Variants in GABRG3 observed in about 807,000 individuals in gnomAD.
GABRG3 encodes the protein gamma-aminobutyric acid type A receptor subunit gamma3.
A neutral mutation model predicts 48.8 loss-of-function variants in GABRG3; 25 were observed. The ratio of observed to expected loss-of-function variants is 0.51; its 90% CI spans 0.37 to 0.72. The LOEUF (loss-of-function observed/expected upper bound fraction) is 0.72. Ranked by LOEUF, GABRG3 falls within the 30% of genes least tolerant of loss-of-function variation. GABRG3 has a pLI of 0.00. For synonymous variants in GABRG3, 227 were observed against 217.6 expected (o/e 1.04, Z -0.38); for missense variants, 394 against 577.9 (o/e 0.68, Z 3.26).
At chr15:27,028,805 C>CA (rs35610809) in intron 3 of GABRG3, among the ~76,000 whole-genome samples, 15,925 of 102,250 alleles carry the variant, frequency 0.16, 1,328 homozygotes, top group East Asian at 0.37. Flanking sequence ...GACTTCATCT[C>CA]AAAAAAAAAA....
intron 3 of GABRG3, among the ~76,000 whole-genome samples, chr15:27,047,357 A>G (rs1188793098): frequency 1.3e-5 from 2 of 152,212 alleles, no homozygotes; most frequent in African/African-American, 4.8e-5. Context: ...GAGGCCCAGC[A>G]CCTCCATTAC....
chr15:27,440,561 T>A, intron 5 of GABRG3, among the ~76,000 whole-genome samples: 1 of 152,192 alleles, frequency 6.6e-6, no homozygotes, highest in East Asian at 1.9e-4. Flanking sequence ...TAGGCCTGTG[T>A]GAATCTTTGT....
At chr15:27,036,721 A>G (rs115923507) in intron 3 of GABRG3, among the ~76,000 whole-genome samples, 1,812 of 152,166 alleles carry the variant, frequency 0.012, 25 homozygotes, top group African/African-American at 0.041. Flanking sequence ...AATGCTGTAC[A>G]CTGACTATGT....
intron 5 of GABRG3, among the ~76,000 whole-genome samples, chr15:27,418,230 T>C (rs1162411422): frequency 6.6e-6 from 1 of 152,240 alleles, no homozygotes; most frequent in Middle Eastern, 3.4e-3. Flanking sequence ...CTCCAGGCCA[T>C]AGCAGCAGAG....
chr15:27,416,014 T>C (rs913336281), intron 5 of GABRG3, among the ~76,000 whole-genome samples: 1 of 152,182 alleles, frequency 6.6e-6, no homozygotes, highest in Non-Finnish European at 1.5e-5. Flanking sequence ...CATTCAAATG[T>C]TGAAGCCCTC....
At chr15:27,043,173 C>T (rs552458471) in intron 3 of GABRG3, among the ~76,000 whole-genome samples, 1 of 152,322 alleles carries the variant, frequency 6.6e-6, no homozygotes, top group African/African-American at 2.4e-5. Context: ...AAAGCCCAGG[C>T]AGAATTGTTG....
intron 3 of GABRG3, among the ~76,000 whole-genome samples, chr15:27,283,429 C>G (rs768227628): frequency 7.9e-5 from 12 of 152,144 alleles, no homozygotes; most frequent in African/African-American, 2.9e-4. Flanking sequence ...CATGGTGAAA[C>G]GCCATCTCTA....
intron 3 of GABRG3, among the ~76,000 whole-genome samples, chr15:27,193,295 T>C (rs1888388842): frequency 6.6e-6 from 1 of 152,082 alleles, no homozygotes; most frequent in Non-Finnish European, 1.5e-5. Context: ...TGCTGTCTTT[T>C]TGTTTGTCTG....
At chr15:27,305,581 CATAT>C (rs560969777) in intron 3 of GABRG3, among the ~76,000 whole-genome samples, 2 of 138,756 alleles carry the variant, frequency 1.4e-5, no homozygotes, top group African/African-American at 5.3e-5. Flanking sequence ...TATATATAAA[CATAT>C]ATATAATATA....
intron 5 of GABRG3, among the ~76,000 whole-genome samples, chr15:27,450,628 T>G (rs1476645197): frequency 6.6e-6 from 1 of 152,120 alleles, no homozygotes; most frequent in Non-Finnish European, 1.5e-5. Flanking sequence ...GGCTGAAGGC[T>G]TTTCCTGTAA....
chr15:27,068,862 A>G (rs1484498977), intron 3 of GABRG3, among the ~76,000 whole-genome samples: 4 of 152,214 alleles, frequency 2.6e-5, no homozygotes, highest in African/African-American at 9.6e-5. Flanking sequence ...TCAGTGCTCC[A>G]TAATCTCTTA....
intron 4 of GABRG3, 46 bp from the exon 5 acceptor site, chr15:27,328,760 C>A: frequency 1.3e-6 from 2 of 1,560,638 alleles, no homozygotes; most frequent in Non-Finnish European, 8.8e-7. Context: ...GCCGGCCTTG[C>A]CCTGTGCTGT....
intron 3 of GABRG3, among the ~76,000 whole-genome samples, chr15:27,153,281 C>CTT (rs748477580): frequency 6.6e-6 from 1 of 152,082 alleles, no homozygotes; most frequent in Non-Finnish European, 1.5e-5. Context: ...GTCTTTGCAT[C>CTT]TTTATAAAAA....
chr15:26,997,857 T>C (rs981655584), intron 2 of GABRG3, among the ~76,000 whole-genome samples: 2 of 152,244 alleles, frequency 1.3e-5, no homozygotes, highest in Non-Finnish European at 2.9e-5. Context: ...GCCTTAGTTA[T>C]GTATAGTCTC....
At chr15:27,275,262 G>A (rs1891216541) in intron 3 of GABRG3, among the ~76,000 whole-genome samples, 1 of 152,088 alleles carries the variant, frequency 6.6e-6, no homozygotes, top group Non-Finnish European at 1.5e-5. Flanking sequence ...TTGAGCTTTT[G>A]GTGAATACCT....
intron 3 of GABRG3, among the ~76,000 whole-genome samples, chr15:27,303,725 A>C (rs1490352997): frequency 6.6e-6 from 1 of 151,372 alleles, no homozygotes; most frequent in Non-Finnish European, 1.5e-5. Context: ...GTGGATATGT[A>C]TATCCACTAT....
chr15:27,217,974 T>C (rs1032155916), intron 3 of GABRG3, among the ~76,000 whole-genome samples: 3 of 152,172 alleles, frequency 2.0e-5, no homozygotes, highest in African/African-American at 7.2e-5. Context: ...AGGGCCAGTC[T>C]GTCGCCTTCA....
chr15:27,248,803 C>CACACACACACACACAGAGAGAGAG (rs1377080195), intron 3 of GABRG3, among the ~76,000 whole-genome samples: 1 of 110,238 alleles, frequency 9.1e-6, no homozygotes, highest in East Asian at 2.5e-4. Flanking sequence ...CACACACACA[C>CACACACACACACACAGAGAGAGAG]AGAGAGAGAG....
chr15:27,345,752 TG>T (rs1303542596), intron 5 of GABRG3, among the ~76,000 whole-genome samples: 1 of 152,164 alleles, frequency 6.6e-6, no homozygotes. Context: ...CCTTAGTTTT[TG>T]TTTGTATGAG....
Sources: gnomAD v4.1 joint callset for allele counts (sites outside exome capture counted in the v4.1 genomes callset) on GRCh38, gnomAD v4.1.1 for gene constraint, MANE v1.5 for transcripts, NCBI Gene and HGNC (gene_info 2026-07-23, HGNC 2026-07-21) for gene names.